Variants in NELL1 observed in about 807,000 individuals in gnomAD.
NELL1 encodes neural EGFL like 1, also known as protein kinase C-binding protein NELL1.
NELL1 carries 76 observed loss-of-function variants against 107.4 expected under a neutral mutation model. The ratio of observed to expected loss-of-function variants is 0.71; its 90% CI spans 0.59 to 0.86. The LOEUF (loss-of-function observed/expected upper bound fraction) is 0.86, where lower values mean the gene tolerates loss of function less well. Among genes scored for constraint, NELL1 ranks in the 40% least tolerant of loss-of-function variants. The pLI is 0.00. For synonymous variants in NELL1, 353 were observed against 341.2 expected (o/e 1.03, Z -0.38); for missense variants, 1,024 against 1,005.5 (o/e 1.02, Z -0.25).
At chr11:21,296,372 T>C (rs961846644) in intron 14 of NELL1, among the ~76,000 whole-genome samples, 3 of 151,922 alleles carry the variant, frequency 2.0e-5, no homozygotes, top group African/African-American at 7.2e-5. Flanking sequence ...CAATTGCAAA[T>C]ATTGAATGTC....
chr11:20,994,638 A>G (rs1035057980), intron 12 of NELL1, among the ~76,000 whole-genome samples: 4 of 152,166 alleles, frequency 2.6e-5, no homozygotes, highest in Admixed American at 6.5e-5. Flanking sequence ...TGAATATATA[A>G]TATTTATCCT....
chr11:21,020,591 C>T (rs2134301274), intron 12 of NELL1, among the ~76,000 whole-genome samples: 1 of 152,056 alleles, frequency 6.6e-6, no homozygotes, highest in Admixed American at 6.6e-5. Flanking sequence ...CCTTATTAGC[C>T]TAACCCAAGA....
At chr11:21,346,944 T>A (rs559926106) in intron 14 of NELL1, among the ~76,000 whole-genome samples, 1 of 152,268 alleles carries the variant, frequency 6.6e-6, no homozygotes, top group African/African-American at 2.4e-5. Flanking sequence ...AATAACCAAA[T>A]GTTAAGCTAG....
intron 12 of NELL1, among the ~76,000 whole-genome samples, chr11:21,026,813 T>C (rs1852824734): frequency 6.6e-6 from 1 of 152,190 alleles, no homozygotes; most frequent in African/African-American, 2.4e-5. Context: ...AACATGAGCT[T>C]GAGAGATTAA....
At chr11:21,486,555 C>G (rs1854637556) in intron 15 of NELL1, among the ~76,000 whole-genome samples, 1 of 151,860 alleles carries the variant, frequency 6.6e-6, no homozygotes, top group African/African-American at 2.4e-5. Context: ...ATAAGGAAAC[C>G]AAAAACATGG....
intron 12 of NELL1, among the ~76,000 whole-genome samples, chr11:20,964,897 C>T (rs1302924895): frequency 1.3e-5 from 2 of 151,922 alleles, no homozygotes; most frequent in African/African-American, 2.4e-5. Flanking sequence ...TGACATGGAA[C>T]CGTGTGACAA....
chr11:21,288,903 A>T lies in NELL1; in HGVS notation c.1549+59449A>T, dbSNP rs1174207515. ...TCTCCACCTGGTTGTCGTATGTGGT[A>T]TGTGGTATTTTGATCTCCTCACAGC... On this transcript the variant is annotated intron_variant, in intron 14 of 19. Transcript: ENST00000357134. 2.6e-5 allele frequency among the ~76,000 whole-genome samples: 4 copies of T among 152,122 alleles called. No individual in the cohort carries two copies. The East Asian group carries it at 7.7e-4, about 29-fold the overall frequency.
At chr11:20,789,621 G>C (rs1857036555) in intron 3 of NELL1, among the ~76,000 whole-genome samples, 1 of 152,232 alleles carries the variant, frequency 6.6e-6, no homozygotes, top group Non-Finnish European at 1.5e-5. Context: ...GCCTCATTCA[G>C]TGAGTCCCAA....
chr11:20,976,364 G>A (rs1851635885), intron 12 of NELL1, among the ~76,000 whole-genome samples: 2 of 152,054 alleles, frequency 1.3e-5, no homozygotes, highest in Admixed American at 1.3e-4. Context: ...TGGCTACTGA[G>A]TGACAAGCAG....
intron 15 of NELL1, among the ~76,000 whole-genome samples, chr11:21,532,017 A>G (rs1856002752): frequency 1.3e-5 from 2 of 152,212 alleles, no homozygotes; most frequent in African/African-American, 4.8e-5. Flanking sequence ...ATGGTACATA[A>G]AAATGAATTT....
intron 15 of NELL1, among the ~76,000 whole-genome samples, chr11:21,445,290 GTTTTGTT>G (rs1296844706): frequency 6.6e-6 from 1 of 151,398 alleles, no homozygotes. Flanking sequence ...TGTTTGTTTT[GTTTTGTT>G]TTTTGTTTTT....
intron 14 of NELL1, among the ~76,000 whole-genome samples, chr11:21,348,140 G>A (rs1335205666): frequency 1.3e-5 from 2 of 152,034 alleles, no homozygotes; most frequent in Non-Finnish European, 2.9e-5. Flanking sequence ...TATAAGATAT[G>A]GCTTTCTAGA....
intron 15 of NELL1, among the ~76,000 whole-genome samples, chr11:21,518,055 CT>C (rs1855616290): frequency 2.7e-5 from 4 of 150,892 alleles, no homozygotes; most frequent in African/African-American, 9.8e-5. Context: ...CATAAATGCT[CT>C]TTGGGAATCA....
intron 15 of NELL1, among the ~76,000 whole-genome samples, chr11:21,385,377 T>C (rs1441940336): frequency 6.6e-6 from 1 of 152,046 alleles, no homozygotes; most frequent in East Asian, 1.9e-4. Context: ...AATACTGTTA[T>C]GATACGTCTT....
chr11:21,247,394 G>A (rs976722380), intron 14 of NELL1, among the ~76,000 whole-genome samples: 10 of 151,862 alleles, frequency 6.6e-5, no homozygotes, highest in African/African-American at 1.9e-4. Flanking sequence ...TTTCTTTATA[G>A]CCTTATTCTA....
At chr11:21,516,734 CACACAT>C (rs1170087834) in intron 15 of NELL1, among the ~76,000 whole-genome samples, 2 of 143,616 alleles carry the variant, frequency 1.4e-5, no homozygotes, top group East Asian at 4.1e-4. Context: ...CACACACACA[CACACAT>C]ACACACACAC....
chr11:20,931,389 A>G (rs1564973087), intron 9 of NELL1, among the ~76,000 whole-genome samples: 1 of 152,194 alleles, frequency 6.6e-6, no homozygotes, highest in African/African-American at 2.4e-5. Flanking sequence ...GAATTTCTAG[A>G]TGTTTCCAAT....
At position 21,136,098 on chromosome 11, in the gene NELL1, T is replaced by C. The variant is rs114174542; in HGVS notation, c.1426+22384T>C. On this transcript the variant is annotated intron_variant, in intron 13 of 19. Transcript: ENST00000357134. Reference sequence around the variant, plus strand: ...GTGTGATCCAGAGGGCTAAATTACATAGGGCCGTAGGGGAAGATCTAGTGA... The same window carrying C: ...GTGTGATCCAGAGGGCTAAATTACACAGGGCCGTAGGGGAAGATCTAGTGA... Among the ~76,000 whole-genome samples the C allele has an allele frequency of 9.3e-3, 1,421 of 152,268 alleles. 23 individuals carry two copies. The highest frequency in any genetic ancestry group is 0.033 in the African/African-American group (1,355 of 41,546).
At chr11:21,454,618 C>T in intron 15 of NELL1, among the ~76,000 whole-genome samples, 1 of 152,120 alleles carries the variant, frequency 6.6e-6, no homozygotes, top group East Asian at 1.9e-4. Context: ...TAACAAAATA[C>T]CATAGACTGA....
Sources: allele counts gnomAD v4.1 joint callset (sites outside exome capture counted in the v4.1 genomes callset), GRCh38; gene constraint gnomAD v4.1.1; transcripts MANE v1.5; gene names NCBI Gene and HGNC (gene_info 2026-07-23, HGNC 2026-07-21).